XKR6: variants seen among roughly 807,000 people sequenced by gnomAD.
XKR6 encodes the protein XK related 6.
XKR6 carries 22 observed loss-of-function variants against 56.7 expected under a neutral mutation model. The ratio of observed to expected loss-of-function variants is 0.39; its 90% CI spans 0.28 to 0.55. The LOEUF (loss-of-function observed/expected upper bound fraction) is 0.55, where lower values mean the gene tolerates loss of function less well. Among genes scored for constraint, XKR6 ranks in the 20% least tolerant of loss-of-function variants. XKR6 has a pLI of 0.66. For synonymous variants in XKR6, 524 were observed against 387.8 expected (o/e 1.35, Z -4.13); for missense variants, 852 against 889.0 (o/e 0.96, Z 0.53).
intron 1 of XKR6, among the ~76,000 whole-genome samples, chr8:11,183,546 C>A (rs1240436104): frequency 6.6e-6 from 1 of 151,760 alleles, no homozygotes; most frequent in Non-Finnish European, 1.5e-5. Flanking sequence ...TGGTCTTGAA[C>A]TCCTGGCCTC....
Position 11,001,184 on chromosome 8 carries a change from C to G in XKR6, c.765-76354G>C, listed in dbSNP as rs540264043. Among the ~76,000 whole-genome samples, 232 of 152,326 alleles carry G rather than the reference C, an allele frequency of 1.5e-3. 3 individuals are homozygous for G. Among genetic ancestry groups the G allele is most frequent in the African/African-American group, 5.4e-3 (223 of 41,570 alleles). Reference sequence around the variant, plus strand: ...CATACACAAATTTTCTCCTCCTACTCAACCACAACTCAGTGAAGGAAGAAC... The same window carrying G: ...CATACACAAATTTTCTCCTCCTACTGAACCACAACTCAGTGAAGGAAGAAC... On this transcript the variant is annotated intron_variant, in intron 1 of 2. Transcript: ENST00000416569.
At chr8:11,153,619 T>C (rs890225963) in intron 1 of XKR6, among the ~76,000 whole-genome samples, 3 of 152,248 alleles carry the variant, frequency 2.0e-5, no homozygotes, top group African/African-American at 4.8e-5. Context: ...AGTTGCAATA[T>C]ACCAACCAGT....
intron 1 of XKR6, among the ~76,000 whole-genome samples, chr8:11,181,944 C>A (rs755334433): frequency 6.6e-6 from 1 of 152,132 alleles, no homozygotes; most frequent in Non-Finnish European, 1.5e-5. Flanking sequence ...CCTCCGCCTT[C>A]CAGGCTCAAG....
At chr8:11,139,712 G>A (rs1259960744) in intron 1 of XKR6, among the ~76,000 whole-genome samples, 8 of 152,276 alleles carry the variant, frequency 5.3e-5, no homozygotes, top group Admixed American at 3.9e-4. Flanking sequence ...CAGGAAACCT[G>A]TACAAAAGCC....
intron 1 of XKR6, among the ~76,000 whole-genome samples, chr8:10,982,766 G>A (rs911737940): frequency 1.3e-5 from 2 of 152,208 alleles, no homozygotes; most frequent in African/African-American, 4.8e-5. Context: ...AACCTGCTGT[G>A]GTTGTAGGTG....
chr8:11,021,125 G>T (rs112033070), intron 1 of XKR6, among the ~76,000 whole-genome samples: 262 of 152,214 alleles, frequency 1.7e-3, no homozygotes, highest in African/African-American at 6.1e-3. Flanking sequence ...CCATAAAACA[G>T]CTGTCCTAGG....
chr8:11,139,052 T>G (rs1800546286), intron 1 of XKR6, among the ~76,000 whole-genome samples: 1 of 152,206 alleles, frequency 6.6e-6, no homozygotes, highest in Admixed American at 6.5e-5. Flanking sequence ...AAGCAATTAG[T>G]TCTCTAACCC....
chr8:11,118,734 T>C (rs887518414), intron 1 of XKR6, among the ~76,000 whole-genome samples: 2 of 152,220 alleles, frequency 1.3e-5, no homozygotes, highest in African/African-American at 4.8e-5. Context: ...GGTCTATCAA[T>C]TTGGCTGATC....
At chr8:11,045,637 C>T (rs563590231) in intron 1 of XKR6, among the ~76,000 whole-genome samples, 18 of 152,216 alleles carry the variant, frequency 1.2e-4, no homozygotes, top group South Asian at 1.0e-3. Context: ...CTGAGTGTTG[C>T]GGACAGCTCG....
intron 1 of XKR6, among the ~76,000 whole-genome samples, chr8:10,943,019 G>T (rs981827785): frequency 1.3e-5 from 2 of 152,234 alleles, no homozygotes; most frequent in Admixed American, 6.5e-5. Context: ...GAGGGGCCAG[G>T]AAGGCTTCAG....
intron 1 of XKR6, among the ~76,000 whole-genome samples, chr8:11,109,918 T>C (rs1426735700): frequency 1.3e-5 from 2 of 152,158 alleles, no homozygotes; most frequent in African/African-American, 4.8e-5. Flanking sequence ...CCAATAGAGG[T>C]TCAGATTAAA....
At position 11,120,693 on chromosome 8, in the gene XKR6, G is replaced by T. The variant is rs1273584693; in HGVS notation, c.764+79883C>A. ...CAGAATTGGAAAAAACTACTTTAAA[G>T]CTCATATGGAACCAAAAAAGAGCCC... On this transcript the variant is annotated intron_variant, in intron 1 of 2. Coordinates refer to ENST00000416569, the MANE Select transcript of XKR6 (RefSeq NM_173683.4). Among the ~76,000 whole-genome samples the T allele has an allele frequency of 5.3e-5, 8 of 152,178 alleles. No homozygotes were observed. In the East Asian group the frequency reaches 1.5e-3, roughly 29 times the overall value.
intron 1 of XKR6, among the ~76,000 whole-genome samples, chr8:11,040,829 C>A (rs1024998079): frequency 6.6e-6 from 1 of 152,168 alleles, no homozygotes; most frequent in African/African-American, 2.4e-5. Flanking sequence ...CTGGCTGTAG[C>A]TAATGGCCTC....
chr8:11,178,012 C>A (rs1802749318), intron 1 of XKR6, among the ~76,000 whole-genome samples: 1 of 152,140 alleles, frequency 6.6e-6, no homozygotes, highest in African/African-American at 2.4e-5. Context: ...CCCATCGCAC[C>A]TGGTTTACTA....
chr8:11,151,275 G>A (rs922209437), intron 1 of XKR6, among the ~76,000 whole-genome samples: 5 of 152,016 alleles, frequency 3.3e-5, no homozygotes, highest in African/African-American at 4.8e-5. Context: ...ATTTTAAACC[G>A]TATTTATTGA....
chr8:11,035,157 A>T (rs756985073), intron 1 of XKR6: 2 of 532,372 alleles, frequency 3.8e-6, no homozygotes, highest in Non-Finnish European at 7.7e-6. Flanking sequence ...TATGACAAAC[A>T]GCCAGTCTCG....
At chr8:11,166,347 T>A (rs1802071631) in intron 1 of XKR6, among the ~76,000 whole-genome samples, 1 of 152,110 alleles carries the variant, frequency 6.6e-6, no homozygotes, top group Non-Finnish European at 1.5e-5. Flanking sequence ...GTCATGAAGA[T>A]CACAAGGCAT....
chr8:11,113,941 A>G (rs1383578292), intron 1 of XKR6: 4 of 307,620 alleles, frequency 1.3e-5, no homozygotes. Context: ...AGACACGGAA[A>G]CACATGAAGG....
At chr8:11,134,276 C>T (rs1328671676) in intron 1 of XKR6, among the ~76,000 whole-genome samples, 2 of 152,194 alleles carry the variant, frequency 1.3e-5, no homozygotes, top group African/African-American at 4.8e-5. Context: ...GATTACCTCC[C>T]TTTCCATACC....
Sources: gnomAD v4.1 joint callset for allele counts (sites outside exome capture counted in the v4.1 genomes callset) on GRCh38, gnomAD v4.1.1 for gene constraint, MANE v1.5 for transcripts, NCBI Gene and HGNC (gene_info 2026-07-23, HGNC 2026-07-21) for gene names.